The following MRPL4 variants were observed in gnomAD, a reference collection of about 807,000 sequenced individuals.
MRPL4 encodes the protein mitochondrial ribosomal protein L4, also known as large ribosomal subunit protein uL4m.
MRPL4 carries 34 observed loss-of-function variants against 34.1 expected under a neutral mutation model. The ratio of observed to expected loss-of-function variants is 1.00; its 90% CI spans 0.76 to 1.33. The LOEUF is 1.33. MRPL4 is among the 40% of genes most tolerant of loss of function. MRPL4 has a pLI of 0.00. For synonymous variants in MRPL4, 196 were observed against 188.3 expected (o/e 1.04, Z -0.33); for missense variants, 402 against 434.6 (o/e 0.92, Z 0.67).
At chr19:10,255,005 T>C (rs1217701051) in intron 4 of MRPL4, 2 of 160,086 alleles carry the variant, frequency 1.2e-5, no homozygotes, top group African/African-American at 4.8e-5. Context: ...AGTTTCACCA[T>C]GTTGGTCAGG....
At position 10,252,252 on chromosome 19, in the gene MRPL4, C is replaced by T. The variant is rs954605159; in HGVS notation, c.-2C>T. ...TCCCGCGGCGTGGGAGGCTGCGCGGCGATGCTGCAGTTCGTCCGGGCCGGG... is the reference window on the plus strand; with the variant it reads ...TCCCGCGGCGTGGGAGGCTGCGCGGTGATGCTGCAGTTCGTCCGGGCCGGG... On this transcript the variant is annotated 5_prime_UTR_variant, in exon 1 of 9. Coordinates refer to ENST00000253099, the MANE Select transcript of MRPL4 (RefSeq NM_015956.3). 1.2e-6 allele frequency: 2 copies of T among 1,602,812 alleles called. No homozygotes were observed. The highest frequency in any genetic ancestry group is 1.1e-5 in the South Asian group (1 of 90,678).
chr19:10,254,785 C>A, intron 4 of MRPL4, 145 bp downstream of exon 4: 1 of 693,676 alleles, frequency 1.4e-6, no homozygotes, highest in South Asian at 2.4e-5. Flanking sequence ...CCGATGGGTC[C>A]ATTTTTGGTT....
intron 8 of MRPL4, chr19:10,259,099 A>C (rs1276331527): frequency 2.4e-6 from 1 of 419,064 alleles, no homozygotes; most frequent in Non-Finnish European, 2.8e-6. Context: ...CTCTTGTCTC[A>C]AAAAAAAAAA....
chr19:10,259,915 C>T lies in MRPL4; in HGVS notation c.*102C>T. The T allele has an allele frequency of 2.7e-6, 3 of 1,092,516 alleles. No individual in the cohort carries two copies. Among genetic ancestry groups the T allele is most frequent in the Non-Finnish European group, 3.8e-6 (3 of 783,746 alleles). The allele number at this position is 1,092,516 out of a possible 1,614,324, so 67.7% of individuals were successfully genotyped here. On this transcript the variant is annotated 3_prime_UTR_variant, in exon 9 of 9. Coordinates refer to ENST00000253099, the MANE Select transcript of MRPL4 (RefSeq NM_015956.3). ...AAGGTGTCACCTGGACCCCTTCATTCCACGGAGGAAGCTGAGGCCACAGGG... is the reference window on the plus strand; with the variant it reads ...AAGGTGTCACCTGGACCCCTTCATTTCACGGAGGAAGCTGAGGCCACAGGG...
intron 8 of MRPL4, 27 bp downstream of exon 8, chr19:10,258,712 G>C (rs1382383458): frequency 6.2e-7 from 1 of 1,614,088 alleles, no homozygotes; most frequent in Non-Finnish European, 8.5e-7. Flanking sequence ...GGCCCCTAGA[G>C]TGCGCATGTG....
chr19:10,255,411 G>A (rs966629036), intron 4 of MRPL4: 4 of 152,648 alleles, frequency 2.6e-5, no homozygotes, highest in African/African-American at 7.2e-5. Flanking sequence ...ATGGTCATAC[G>A]TAATGTGTAA....
chr19:10,256,766 C>T lies in MRPL4; in HGVS notation c.386C>T (p.Pro129Leu), dbSNP rs776559150. The change falls in exon 5 of 9, where the codon CCG (proline) becomes CTG (leucine). Residue 129 changes from proline to leucine, a missense_variant. Physicochemically the swap from Pro to Leu is moderately conservative, Grantham distance 98. Transcript: ENST00000253099. Reference protein sequence around the residue: ...EVRGGGRKPWPQKGTGRARHG... With the variant: ...EVRGGGRKPWLQKGTGRARHG... ...CGGGGCGGTGGCCGGAAGCCTTGGC[C>T]GCAGAAAGGCACTGGGCGGGCCCGG... 66 of 1,597,138 alleles carry T rather than the reference C, an allele frequency of 4.1e-5. No individual in the cohort carries two copies. The East Asian group carries it at 5.9e-4, about 14-fold the overall frequency.
At position 10,256,696 on chromosome 19, in the gene MRPL4, T is replaced by C; in HGVS notation, c.328-12T>C. On this transcript the variant is annotated splice_polypyrimidine_tract_variant and intron_variant, in intron 4 of 8. Coordinates refer to ENST00000253099, the MANE Select transcript of MRPL4 (RefSeq NM_015956.3). ...CTCGTGGACCTGACCCCCCTCCTCT[T>C]TGTGCCTCCAGAGCTATGCCAAGAC... 6.2e-7 allele frequency: 1 copy of C among 1,610,282 alleles called. No homozygotes were observed. The highest frequency in any genetic ancestry group is 8.5e-7 in the Non-Finnish European group (1 of 1,178,006).
At chr19:10,253,792 A>C (rs1462809329) in intron 3 of MRPL4, among the ~76,000 whole-genome samples, 1 of 33,720 alleles carries the variant, frequency 3.0e-5, no homozygotes, top group African/African-American at 1.3e-4. Flanking sequence ...ACTCCATCTC[A>C]AAAAAAAAAA....
chr19:10,252,086 G>A, upstream of MRPL4: 2 of 767,022 alleles, frequency 2.6e-6, no homozygotes, highest in Non-Finnish European at 4.0e-6. Context: ...CTGGGGTGGA[G>A]GTCTGGGCAC....
rs368787561 is a variant in MRPL4 at position 10,256,767 on chromosome 19, G to T, written c.387G>T (p.Pro129=). 9 of 1,556,260 alleles carry T rather than the reference G, an allele frequency of 5.8e-6. No homozygotes were observed. The highest frequency in any genetic ancestry group is 5.3e-5 in the Admixed American group (3 of 56,688). Residue 129 remains proline (P), a synonymous_variant, in exon 5 of 9, where the codon CCG becomes CCT. Coordinates refer to ENST00000253099, the MANE Select transcript of MRPL4 (RefSeq NM_015956.3). ...EVRGGGRKPW[P]QKGTGRARHG... The stretch of plus-strand genomic sequence containing the variant: ...GGGGCGGTGGCCGGAAGCCTTGGCC[G>T]CAGAAAGGCACTGGGCGGGCCCGGC...
intron 8 of MRPL4, chr19:10,259,063 C>T: frequency 7.6e-7 from 1 of 1,309,816 alleles, no homozygotes. Flanking sequence ...CGCACCACTG[C>T]ACCCAAACCT....
At position 10,258,285 on chromosome 19, in the gene MRPL4, G is replaced by C; in HGVS notation, c.509G>C (p.Arg170Pro). ...SYYYMLPMKV[R>P]ALGLKVALTV... Reference sequence around the variant, plus strand: ...TACTACATGCTGCCCATGAAGGTGCGGGCGCTGGGTCTCAAAGTGGCACTG... The same window carrying C: ...TACTACATGCTGCCCATGAAGGTGCCGGCGCTGGGTCTCAAAGTGGCACTG... The change falls in exon 6 of 9, where the codon CGG (arginine) becomes CCG (proline). Residue 170 changes from arginine to proline, a missense_variant. Coordinates refer to ENST00000253099, the MANE Select transcript of MRPL4 (RefSeq NM_015956.3). 6.2e-7 allele frequency: 1 copy of C among 1,614,070 alleles called. No homozygotes were observed. Among genetic ancestry groups the C allele is most frequent in the South Asian group, 1.1e-5 (1 of 91,082 alleles).
chr19:10,252,907 G>T, intron 3 of MRPL4: 1 of 726,868 alleles, frequency 1.4e-6, no homozygotes, highest in Non-Finnish European at 2.1e-6. Flanking sequence ...ATCATCTAAG[G>T]GTTAGGGAGA....
In MRPL4 at chr19:10,254,651, A is replaced by G. The variant is rs200020419; in HGVS notation, c.327+11A>G. On this transcript the variant is annotated intron_variant, in intron 4 of 8. Coordinates refer to ENST00000253099, the MANE Select transcript of MRPL4 (RefSeq NM_015956.3). ...AACTTCAAGAGAATTGTGAGTGCCT[A>G]AATGGAGCAAGGTGGTGGGAAGGAG... The G allele has an allele frequency of 1.9e-6, 3 of 1,613,820 alleles. No individual in the cohort carries two copies. The highest frequency in any genetic ancestry group is 2.5e-6 in the Non-Finnish European group (3 of 1,179,800).
At position 10,259,715 on chromosome 19, in the gene MRPL4, T is replaced by A; in HGVS notation, c.838T>A (p.Tyr280Asn). The change falls in exon 9 of 9, where the codon TAC (tyrosine) becomes AAC (asparagine). Residue 280 changes from tyrosine to asparagine, a missense_variant. Physicochemically the swap from Tyr to Asn is moderately radical, Grantham distance 143. Transcript: ENST00000253099. ...CAAGCTGCTCTGGCAGGACTCACGT[T>A]ACAGACCCCTCTACCCCTTCAGCCT... ...EDKLLWQDSR[Y>N]RPLYPFSLPY... is the part of the protein sequence containing the mutation. The A allele has an allele frequency of 6.2e-7, 1 of 1,613,742 alleles. No homozygotes were observed. Among genetic ancestry groups the A allele is most frequent in the Non-Finnish European group, 8.5e-7 (1 of 1,179,884 alleles).
At chr19:10,252,019 C>G (rs2039793211), upstream of MRPL4, 3 of 538,210 alleles carry the variant, frequency 5.6e-6, no homozygotes, top group Non-Finnish European at 6.4e-6. Context: ...GGTCGCGTTC[C>G]CCAGTGTTAC....
chr19:10,260,032 T>C lies in MRPL4; in HGVS notation c.*219T>C. ...CTCTTTTTGTTTTTAAAATAAATTG[T>C]ATTTTTGAATCAAGGAGGATAAAGA... is the stretch of plus-strand genomic sequence containing the variant. On this transcript the variant is annotated 3_prime_UTR_variant, in exon 9 of 9. Coordinates refer to ENST00000253099, the MANE Select transcript of MRPL4 (RefSeq NM_015956.3). The C allele has an allele frequency of 2.1e-6, 1 of 472,368 alleles. No individual in the cohort carries two copies. The highest frequency in any genetic ancestry group is 4.2e-5 in the South Asian group (1 of 24,084). 29.3% of individuals were successfully genotyped at this position (472,368 alleles called of 1,614,324 possible).
At chr19:10,254,002 A>G (rs2039824734) in intron 3 of MRPL4, among the ~76,000 whole-genome samples, 1 of 152,124 alleles carries the variant, frequency 6.6e-6, no homozygotes, top group South Asian at 2.1e-4. Flanking sequence ...TAATGGTAGG[A>G]AAAACAAGGA....
Sources: gnomAD v4.1 joint callset for allele counts (sites outside exome capture counted in the v4.1 genomes callset) on GRCh38, gnomAD v4.1.1 for gene constraint, MANE v1.5 for transcripts, NCBI Gene and HGNC (gene_info 2026-07-23, HGNC 2026-07-21) for gene names.